STX2: variants seen among roughly 807,000 people sequenced by gnomAD.
The protein encoded by STX2 is syntaxin-2.
Under a neutral mutation model 40.6 loss-of-function variants are expected in STX2, and 27 were observed. The observed-to-expected ratio is 0.66, with a 90% confidence interval of 0.49 to 0.92. STX2 has a LOEUF of 0.92. STX2 is among the 40% of genes least tolerant of loss of function. The probability of loss-of-function intolerance (pLI) is 0.00; values close to 1 mark genes in which losing one functional copy is unlikely to be tolerated. For missense variants in STX2, 328 were observed against 366.1 expected, an observed-to-expected ratio of 0.90 and a Z score of 0.85; for synonymous variants, 123 against 119.1, an observed-to-expected ratio of 1.03 and a Z score of -0.22.
chr12:130,791,842 G>C lies in STX2; in HGVS notation c.*181C>G. On this transcript the variant is annotated 3_prime_UTR_variant, in exon 11 of 11. Coordinates refer to ENST00000392373, the MANE Select transcript of STX2 (RefSeq NM_194356.4). ...TTCATTCACGAAATGACAGGATGCT[G>C]ATTTGGTTGCAGATGTGGTCTGAGT... is the stretch of plus-strand genomic sequence containing the variant. 7.0e-7 allele frequency: 1 copy of C among 1,430,578 alleles called. No individual in the cohort carries two copies. 88.6% of individuals were successfully genotyped at this position (1,430,578 alleles called of 1,614,324 possible).
intron 4 of STX2, chr12:130,810,586 G>T (rs1385250199): frequency 1.3e-5 from 2 of 152,228 alleles, no homozygotes. Flanking sequence ...AAGTGGAAAG[G>T]CTGTCACAGA....
Position 130,798,623 on chromosome 12 carries a change from T to C in STX2, c.688A>G (p.Asn230Asp), listed in dbSNP as rs1344833693. Residue 230 changes from asparagine (N) to aspartate (D), a missense_variant, in exon 9 of 11, where the codon AAC becomes GAC. Asn to Asp is a conservative substitution (Grantham distance 23). Coordinates refer to ENST00000392373, the MANE Select transcript of STX2 (RefSeq NM_194356.4). ...MFVETQGEMI[N>D]NIERNVMNAT... ...TTCATAACATTTCTTTCTATGTTGT[T>C]GATCATTTCACCCTTAAAACAAAAA... 8.2e-6 allele frequency: 13 copies of C among 1,593,048 alleles called. No individual in the cohort carries two copies. The highest frequency in any genetic ancestry group is 1.1e-5 in the Non-Finnish European group (13 of 1,173,278).
chr12:130,827,299 A>G, intron 1 of STX2, 32 bp from the exon 2 acceptor site: 1 of 1,586,508 alleles, frequency 6.3e-7, no homozygotes, highest in Non-Finnish European at 8.7e-7. Context: ...TCAGTTTTTT[A>G]AAATTTTTAT....
chr12:130,822,567 T>G (rs1952155850), intron 2 of STX2, among the ~76,000 whole-genome samples: 1 of 152,226 alleles, frequency 6.6e-6, no homozygotes, highest in Non-Finnish European at 1.5e-5. Flanking sequence ...TAGCAAGATT[T>G]ATCTAGATGG....
rs1951710953 is a variant in STX2 at position 130,812,824 on chromosome 12, TAC to T, written c.280+131_280+132del. On this transcript the variant is annotated intron_variant, in intron 4 of 10. Transcript: ENST00000392373. Reference sequence around the variant, plus strand: ...ATATTAATTAGTACTCTGAATTACATACAAATAATTTATTTTAAAGCAGTCAC... The same window carrying T: ...ATATTAATTAGTACTCTGAATTACATAAATAATTTATTTTAAAGCAGTCAC... 4.6e-6 allele frequency: 3 copies of T among 655,994 alleles called. No homozygotes were observed. In the East Asian group the frequency reaches 9.0e-5, roughly 20 times the overall value. 40.6% of individuals were successfully genotyped at this position (655,994 alleles called of 1,614,324 possible).
intron 3 of STX2, 133 bp from the exon 4 acceptor site, chr12:130,813,164 C>T (rs1951724359): frequency 1.9e-6 from 1 of 537,016 alleles, no homozygotes; most frequent in Non-Finnish European, 3.0e-6. Context: ...GAAAAACTAC[C>T]GCTTATACCA....
At chr12:130,829,198 G>A (rs1037314269) in intron 1 of STX2, among the ~76,000 whole-genome samples, 62 of 152,146 alleles carry the variant, frequency 4.1e-4, no homozygotes, top group Non-Finnish European at 7.3e-4. Context: ...AGTAGCTGAC[G>A]CCAGGTCTGA....
At chr12:130,817,521 C>T (rs1951906294) in intron 3 of STX2, among the ~76,000 whole-genome samples, 1 of 152,064 alleles carries the variant, frequency 6.6e-6, no homozygotes, top group South Asian at 2.1e-4. Context: ...TGACAGAAAA[C>T]GGAGCAAGGA....
intron 1 of STX2, among the ~76,000 whole-genome samples, chr12:130,833,824 C>T (rs1015342852): frequency 5.9e-5 from 9 of 152,190 alleles, no homozygotes; most frequent in Non-Finnish European, 1.0e-4. Context: ...TTTTTCTTAC[C>T]ATGGGCATTT....
rs2082041497 is a variant in STX2 at position 130,796,035 on chromosome 12, C to T, written c.*5G>A. ...GAGGCATGCACACTGACGTTATCCA[C>T]ACCATCATTTGCCAACTGACAAGCC... On this transcript the variant is annotated 3_prime_UTR_variant, in exon 10 of 11. Transcript: ENST00000392373. 6 of 1,614,184 alleles carry T rather than the reference C, an allele frequency of 3.7e-6. No individual in the cohort carries two copies. The highest frequency in any genetic ancestry group is 1.1e-5 in the South Asian group (1 of 91,068).
At chr12:130,803,666 CAAAAA>C (rs869033438) in intron 6 of STX2, among the ~76,000 whole-genome samples, 5 of 16,724 alleles carry the variant, frequency 3.0e-4, no homozygotes, top group Admixed American at 6.9e-4. Context: ...GGCTCTCTCT[CAAAAA>C]AAAAAAAAAA....
At chr12:130,821,889 C>T in intron 2 of STX2, 101 bp from the exon 3 acceptor site, 1 of 668,972 alleles carries the variant, frequency 1.5e-6, no homozygotes, top group Non-Finnish European at 2.5e-6. Flanking sequence ...TAAATAATTA[C>T]CACATAAGAA....
At chr12:130,836,544 G>A (rs1465968900) in intron 1 of STX2, among the ~76,000 whole-genome samples, 1 of 152,194 alleles carries the variant, frequency 6.6e-6, no homozygotes, top group African/African-American at 2.4e-5. Context: ...AAAGTGCTGG[G>A]ACTACAAGTG....
chr12:130,833,219 GAAAGTACACAC>G (rs1952636994), intron 1 of STX2, among the ~76,000 whole-genome samples: 1 of 151,958 alleles, frequency 6.6e-6, no homozygotes, highest in South Asian at 2.1e-4. Context: ...AGGAGAGTGG[GAAAGTACACAC>G]AAATGACAAA....
At chr12:130,818,185 A>ATATATATATATATATATATATATATAT (rs1555222352) in intron 3 of STX2, among the ~76,000 whole-genome samples, 1 of 70,544 alleles carries the variant, frequency 1.4e-5, no homozygotes, top group Non-Finnish European at 2.3e-5. Context: ...AAAAAAAAAA[A>ATATATATATATATATATATATATATAT]ATATATATAT....
rs553788347 is a variant in STX2 at position 130,832,699 on chromosome 12, G to A, written c.31-5432C>T. The stretch of plus-strand genomic sequence containing the variant: ...GGGGCAGCCCCTTACACCAGGCCGT[G>A]GAGACGAAGAGAAACCCTCAGGATC... On this transcript the variant is annotated intron_variant, in intron 1 of 10. Transcript: ENST00000392373. Among the ~76,000 whole-genome samples, 93 of 152,324 alleles carry A rather than the reference G, an allele frequency of 6.1e-4. 1 individual carries two copies. The highest frequency in any genetic ancestry group is 2.2e-3 in the African/African-American group (91 of 41,586).
At chr12:130,794,474 A>G (rs899612413) in intron 10 of STX2, among the ~76,000 whole-genome samples, 1 of 152,148 alleles carries the variant, frequency 6.6e-6, no homozygotes, top group Non-Finnish European at 1.5e-5. Context: ...CTGCATGGTG[A>G]GCGTAACAGA....
intron 4 of STX2, among the ~76,000 whole-genome samples, chr12:130,809,529 C>G (rs1330836608): frequency 1.3e-5 from 2 of 152,110 alleles, no homozygotes; most frequent in African/African-American, 4.8e-5. Context: ...TATAAACATA[C>G]AGAGGAGCCG....
intron 4 of STX2, among the ~76,000 whole-genome samples, chr12:130,809,104 T>C (rs937933041): frequency 6.6e-6 from 1 of 152,228 alleles, no homozygotes; most frequent in African/African-American, 2.4e-5. Flanking sequence ...TGAGCTCAAC[T>C]GATCCGCCTG....
Sources: allele counts gnomAD v4.1 joint callset (sites outside exome capture counted in the v4.1 genomes callset), GRCh38; gene constraint gnomAD v4.1.1; transcripts MANE v1.5; gene names NCBI Gene and HGNC (gene_info 2026-07-23, HGNC 2026-07-21).